ADCY9: variants seen among roughly 807,000 people sequenced by gnomAD.
ADCY9 encodes the protein adenylate cyclase type 9.
In ADCY9, 50 loss-of-function variants were observed where a neutral mutation model predicts 101.5. The observed-to-expected ratio is 0.49, with a 90% CI of 0.39 to 0.62. ADCY9 has a LOEUF of 0.62. Ranked by LOEUF, ADCY9 falls within the 20% of genes least tolerant of loss-of-function variation. ADCY9 has a pLI of 0.00. For synonymous variants in ADCY9, 905 were observed against 769.3 expected, an observed-to-expected ratio of 1.18 and a Z score of -2.92; for missense variants, 1,662 against 1,800.4, an observed-to-expected ratio of 0.92 and a Z score of 1.39.
intron 2 of ADCY9, 77 bp from the exon 3 acceptor site, chr16:4,007,635 G>C (rs1159457431): frequency 1.6e-6 from 2 of 1,286,938 alleles, no homozygotes; most frequent in Non-Finnish European, 2.1e-6. Flanking sequence ...TTGCTCTCTG[G>C]AGAGGACTCA....
chr16:4,027,014 C>T (rs1270199256), intron 2 of ADCY9, among the ~76,000 whole-genome samples: 1 of 152,176 alleles, frequency 6.6e-6, no homozygotes, highest in Non-Finnish European at 1.5e-5. Flanking sequence ...TGGTCCCAGG[C>T]CAGGTCTTCA....
chr16:4,057,038 G>GCCCCCCCC lies in ADCY9; in HGVS notation c.1694-49488_1694-49481dup, dbSNP rs375745334. Among the ~76,000 whole-genome samples the GCCCCCCCC allele has an allele frequency of 3.5e-4, 29 of 83,500 alleles. 1 individual carries two copies. The highest frequency in any genetic ancestry group is 4.7e-4 in the Non-Finnish European group (20 of 42,346). 54.8% of individuals were successfully genotyped at this position (83,500 alleles called of 152,430 possible). A position where few individuals can be genotyped will look rare whatever the true frequency, so the allele number is the denominator to read the frequency against. On this transcript the variant is annotated intron_variant, in intron 2 of 10. Transcript: ENST00000294016. Reference sequence around the variant, plus strand: ...TCAGGTAACCTGTACTGATGAAACCGCCCCCCCCCCCCCCGCCAATCTTAC... The same window carrying GCCCCCCCC: ...TCAGGTAACCTGTACTGATGAAACCGCCCCCCCCCCCCCCCCCCCCCCGCCAATCTTAC...
Position 4,025,129 on chromosome 16 carries a change from G to A in ADCY9, c.1694-17571C>T, listed in dbSNP as rs531382355. Reference sequence around the variant, plus strand: ...TGTAATCCCAGCACTTTGAGAGGCCGAGGCGGGTGGATCACCTGAGCTCAG... The same window carrying A: ...TGTAATCCCAGCACTTTGAGAGGCCAAGGCGGGTGGATCACCTGAGCTCAG... On this transcript the variant is annotated intron_variant, in intron 2 of 10. Transcript: ENST00000294016. Among the ~76,000 whole-genome samples, 14 of 152,254 alleles carry A rather than the reference G, an allele frequency of 9.2e-5. No homozygotes were observed. In the East Asian group the frequency reaches 1.9e-3, roughly 21 times the overall value.
At chr16:4,027,271 GCTTT>G (rs1252515401) in intron 2 of ADCY9, among the ~76,000 whole-genome samples, 1 of 152,184 alleles carries the variant, frequency 6.6e-6, no homozygotes, top group Non-Finnish European at 1.5e-5. Context: ...TTTTCTCGTT[GCTTT>G]CTTTGTGCAT....
At chr16:3,961,151 A>G (rs1459777116), downstream of ADCY9, among the ~76,000 whole-genome samples, 9 of 152,184 alleles carry the variant, frequency 5.9e-5, no homozygotes, top group Admixed American at 2.0e-4. Context: ...TTTCTAGTAG[A>G]AAGACCCACG....
At chr16:3,966,990 G>A in intron 10 of ADCY9, 24 bp from the exon 11 acceptor site, 1 of 1,589,600 alleles carries the variant, frequency 6.3e-7, no homozygotes, top group Non-Finnish European at 8.6e-7. Context: ...ACACGGGAAA[G>A]GGAGAGGTTA....
intron 2 of ADCY9, among the ~76,000 whole-genome samples, chr16:4,051,897 T>C (rs2056704177): frequency 6.6e-6 from 1 of 152,172 alleles, no homozygotes; most frequent in African/African-American, 2.4e-5. Context: ...AACAGGATAT[T>C]TTCCGAGTCC....
At chr16:4,089,393 C>G (rs1035699954) in intron 2 of ADCY9, among the ~76,000 whole-genome samples, 3 of 152,068 alleles carry the variant, frequency 2.0e-5, no homozygotes, top group Admixed American at 6.6e-5. Flanking sequence ...GAACTCCATT[C>G]CTTTTTAAGG....
intron 2 of ADCY9, among the ~76,000 whole-genome samples, chr16:4,113,459 G>C (rs1213775652): frequency 6.6e-6 from 1 of 152,202 alleles, no homozygotes; most frequent in Non-Finnish European, 1.5e-5. Flanking sequence ...ACATTCACCG[G>C]ACGTGCCCCC....
intron 6 of ADCY9, among the ~76,000 whole-genome samples, chr16:3,985,098 A>C (rs1167263165): frequency 1.3e-5 from 2 of 151,668 alleles, no homozygotes; most frequent in East Asian, 3.9e-4. Context: ...ATCCCCTCAG[A>C]AGGTGTGGGA....
rs552896830 is a variant in ADCY9 at position 4,103,659 on chromosome 16, G to A, written c.1693+10091C>T. ...AGCCTGGCCAATATGGCGAAACCCC[G>A]TCTCTACCATAAAGACAAAAATTAG... On this transcript the variant is annotated intron_variant, in intron 2 of 10. Coordinates refer to ENST00000294016, the MANE Select transcript of ADCY9 (RefSeq NM_001116.4). 2.8e-4 allele frequency among the ~76,000 whole-genome samples: 42 copies of A among 152,182 alleles called. No homozygotes were observed. The South Asian group carries it at 5.8e-3, about 21-fold the overall frequency.
intron 2 of ADCY9, among the ~76,000 whole-genome samples, chr16:4,040,832 T>C (rs569357773): frequency 6.6e-6 from 1 of 152,338 alleles, no homozygotes; most frequent in South Asian, 2.1e-4. Context: ...TCTTTTCACC[T>C]ATTGACTGAA....
At position 3,957,016 on chromosome 16, in the gene ADCY9, G is replaced by T. The variant is rs181160491; in HGVS notation, c.568-3500C>A. ...AATCTTATGAAAAGAGCGACGGAGGGAGAAGGGGGAAAATACATTTTTCCT... is the reference window on the plus strand; with the variant it reads ...AATCTTATGAAAAGAGCGACGGAGGTAGAAGGGGGAAAATACATTTTTCCT... On this transcript the variant is annotated intron_variant, in intron 5 of 5. Coordinates refer to the ADCY9 transcript ENST00000576936. 2.0e-5 allele frequency among the ~76,000 whole-genome samples: 3 copies of T among 152,256 alleles called. No individual in the cohort carries two copies. In the East Asian group the frequency reaches 5.8e-4, roughly 29 times the overall value.
chr16:4,038,590 G>C (rs1420877418), intron 2 of ADCY9, among the ~76,000 whole-genome samples: 1 of 152,118 alleles, frequency 6.6e-6, no homozygotes, highest in African/African-American at 2.4e-5. Flanking sequence ...CAGTAAAACG[G>C]ACTGAGATAC....
rs1000968415 is a variant in ADCY9 at position 4,057,485 on chromosome 16, C to T, written c.1694-49927G>A. Among the ~76,000 whole-genome samples the T allele has an allele frequency of 2.5e-4, 38 of 152,206 alleles. 1 individual carries two copies. Among genetic ancestry groups the T allele is most frequent in the Admixed American group, 2.5e-3 (38 of 15,294 alleles). Reference sequence around the variant, plus strand: ...TGACACCATCATCCTGGCTTATTGTCGTTTGTCCGCCGGCCACCGTTCTGT... The same window carrying T: ...TGACACCATCATCCTGGCTTATTGTTGTTTGTCCGCCGGCCACCGTTCTGT... On this transcript the variant is annotated intron_variant, in intron 2 of 10. Coordinates refer to ENST00000294016, the MANE Select transcript of ADCY9 (RefSeq NM_001116.4).
chr16:4,035,918 G>C (rs1031930585), intron 2 of ADCY9, among the ~76,000 whole-genome samples: 4 of 135,590 alleles, frequency 3.0e-5, no homozygotes, highest in African/African-American at 1.1e-4. Flanking sequence ...AGAATCACTT[G>C]AACCCGGAAG....
Position 4,055,463 on chromosome 16 carries a change from G to C in ADCY9, c.1694-47905C>G, listed in dbSNP as rs548464316. Among the ~76,000 whole-genome samples, 34 of 152,086 alleles carry C rather than the reference G, an allele frequency of 2.2e-4. 1 individual carries two copies. In the South Asian group the frequency reaches 6.9e-3, roughly 31 times the overall value. On this transcript the variant is annotated intron_variant, in intron 2 of 10. Transcript: ENST00000294016. Reference sequence around the variant, plus strand: ...ACAGGAGAATTGCTTGAACCCAGGAGGTAGAGGTTGCAGTGAGTCAAGATC... The same window carrying C: ...ACAGGAGAATTGCTTGAACCCAGGACGTAGAGGTTGCAGTGAGTCAAGATC...
chr16:4,048,859 C>T (rs2056682825), intron 2 of ADCY9, among the ~76,000 whole-genome samples: 1 of 151,998 alleles, frequency 6.6e-6, no homozygotes, highest in Admixed American at 6.6e-5. Flanking sequence ...TAGGCAGGGC[C>T]CATGGTCACT....
chr16:4,056,631 C>CAA (rs2056739632), intron 2 of ADCY9, among the ~76,000 whole-genome samples: 1 of 152,136 alleles, frequency 6.6e-6, no homozygotes, highest in Admixed American at 6.5e-5. Context: ...ATTCTAACCT[C>CAA]AAAACTGGTC....
Sources: gnomAD v4.1 joint callset for allele counts (sites outside exome capture counted in the v4.1 genomes callset) on GRCh38, gnomAD v4.1.1 for gene constraint, MANE v1.5 for transcripts, NCBI Gene and HGNC (gene_info 2026-07-23, HGNC 2026-07-21) for gene names.